Variants in OPCML observed in about 807,000 individuals in gnomAD.
OPCML encodes opioid-binding protein/cell adhesion molecule.
A neutral mutation model predicts 37.8 loss-of-function variants in OPCML; 13 were observed. The observed-to-expected ratio is 0.34, with a 90% CI of 0.22 to 0.55. The LOEUF (loss-of-function observed/expected upper bound fraction) is 0.55. Among genes scored for constraint, OPCML ranks in the 20% least tolerant of loss-of-function variants. The probability of loss-of-function intolerance (pLI) is 0.91; values close to 1 mark genes in which losing one functional copy is unlikely to be tolerated. For missense variants in OPCML, 341 were observed against 435.6 expected (o/e 0.78, Z 1.93); for synonymous variants, 176 against 168.8 (o/e 1.04, Z -0.33).
intron 1 of OPCML, among the ~76,000 whole-genome samples, chr11:133,292,287 A>G (rs1361938797): frequency 6.6e-6 from 1 of 152,104 alleles, no homozygotes; most frequent in Non-Finnish European, 1.5e-5. Context: ...GGAAAAGCTC[A>G]TTGCGATAGA....
intron 3 of OPCML, among the ~76,000 whole-genome samples, chr11:132,602,347 C>A (rs1158530363): frequency 1.3e-5 from 2 of 152,196 alleles, no homozygotes; most frequent in African/African-American, 4.8e-5. Flanking sequence ...AAAACCCTCC[C>A]AAACCTATAG....
At chr11:133,116,039 G>A (rs1949328449) in intron 1 of OPCML, among the ~76,000 whole-genome samples, 2 of 151,932 alleles carry the variant, frequency 1.3e-5, no homozygotes, top group African/African-American at 2.4e-5. Context: ...GAACGATCTC[G>A]GCTCACTGCT....
intron 2 of OPCML, among the ~76,000 whole-genome samples, chr11:132,719,728 A>C (rs960684412): frequency 6.6e-6 from 1 of 152,224 alleles, no homozygotes; most frequent in Admixed American, 6.5e-5. Context: ...TGAAATAAAA[A>C]GCTAGAGAAA....
chr11:132,519,226 C>T (rs1006066644), intron 4 of OPCML, among the ~76,000 whole-genome samples: 2 of 152,112 alleles, frequency 1.3e-5, no homozygotes, highest in Admixed American at 6.5e-5. Flanking sequence ...GTAATTACTA[C>T]TTATTTCTTA....
intron 1 of OPCML, among the ~76,000 whole-genome samples, chr11:133,383,299 A>T (rs1249080124): frequency 6.6e-6 from 1 of 152,040 alleles, no homozygotes; most frequent in Non-Finnish European, 1.5e-5. Context: ...CCTTCCTATC[A>T]ATCCCTTGCT....
chr11:133,200,235 G>T (rs542651), intron 1 of OPCML, among the ~76,000 whole-genome samples: 99,806 of 152,032 alleles, frequency 0.66, 34,477 homozygotes, highest in African/African-American at 0.85. Flanking sequence ...GTGTCACACC[G>T]TCCTGTGCAT....
chr11:133,000,215 C>A (rs1212691350), intron 1 of OPCML, among the ~76,000 whole-genome samples: 1 of 152,078 alleles, frequency 6.6e-6, no homozygotes, highest in Non-Finnish European at 1.5e-5. Flanking sequence ...CAGGTTCAAG[C>A]ACTTCTCCTG....
intron 3 of OPCML, among the ~76,000 whole-genome samples, chr11:132,642,987 G>A (rs1308341779): frequency 6.6e-6 from 1 of 152,220 alleles, no homozygotes; most frequent in African/African-American, 2.4e-5. Context: ...GGCCAGCAAT[G>A]TGATTAGTTC....
At chr11:133,128,980 C>T (rs1250700087) in intron 1 of OPCML, among the ~76,000 whole-genome samples, 1 of 152,128 alleles carries the variant, frequency 6.6e-6, no homozygotes, top group Admixed American at 6.5e-5. Flanking sequence ...ATCTTCGAGG[C>T]CCTGAACATC....
chr11:133,504,097 C>G (rs1157962668), intron 1 of OPCML, among the ~76,000 whole-genome samples: 1 of 152,140 alleles, frequency 6.6e-6, no homozygotes, highest in African/African-American at 2.4e-5. Context: ...GCTGTATCCT[C>G]CACCATCAGA....
chr11:132,515,974 AT>A (rs2096278810), intron 4 of OPCML, among the ~76,000 whole-genome samples: 1 of 152,146 alleles, frequency 6.6e-6, no homozygotes, highest in Admixed American at 6.6e-5. Context: ...TAAAAATCAA[AT>A]TGTATCTGTT....
chr11:133,045,520 G>A (rs1947991852), intron 1 of OPCML, among the ~76,000 whole-genome samples: 1 of 152,166 alleles, frequency 6.6e-6, no homozygotes, highest in South Asian at 2.1e-4. Flanking sequence ...CATTGGAGAG[G>A]GAGAAACAAA....
At chr11:133,161,963 A>G (rs544133893) in intron 1 of OPCML, among the ~76,000 whole-genome samples, 159 of 145,946 alleles carry the variant, frequency 1.1e-3, no homozygotes, top group African/African-American at 3.9e-3. Flanking sequence ...AACAAGTAAC[A>G]GGTAAGAGAG....
chr11:132,630,515 T>C (rs1940034399), intron 3 of OPCML, among the ~76,000 whole-genome samples: 1 of 151,564 alleles, frequency 6.6e-6, no homozygotes, highest in African/African-American at 2.4e-5. Flanking sequence ...GTTGAAAGAA[T>C]AGGACACAAT....
At position 132,688,415 on chromosome 11, in the gene OPCML, C is replaced by T. The variant is rs116347841; in HGVS notation, c.147-31096G>A. Among the ~76,000 whole-genome samples the T allele has an allele frequency of 6.7e-4, 102 of 152,178 alleles. 2 individuals carry two copies. Among genetic ancestry groups the T allele is most frequent in the African/African-American group, 2.4e-3 (100 of 41,550 alleles). ...CACTAGCTTGAGACATTGAGTGTGACCTTGGGAAATCAAAGAGCTTTCCTG... is the reference window on the plus strand; with the variant it reads ...CACTAGCTTGAGACATTGAGTGTGATCTTGGGAAATCAAAGAGCTTTCCTG... On this transcript the variant is annotated intron_variant, in intron 2 of 7. Coordinates refer to ENST00000524381, the MANE Select transcript of OPCML (RefSeq NM_001012393.5).
chr11:133,459,149 A>G (rs906783933), intron 1 of OPCML, among the ~76,000 whole-genome samples: 2 of 152,134 alleles, frequency 1.3e-5, no homozygotes, highest in Admixed American at 1.3e-4. Flanking sequence ...ATTGGCATCA[A>G]TTTAACAAAG....
chr11:132,597,395 T>C (rs1044007541), intron 3 of OPCML, among the ~76,000 whole-genome samples: 1 of 152,230 alleles, frequency 6.6e-6, no homozygotes. Context: ...TTTTAACATA[T>C]GGCTGGCATA....
intron 2 of OPCML, among the ~76,000 whole-genome samples, chr11:132,670,417 C>T (rs1020298254): frequency 6.6e-6 from 1 of 152,128 alleles, no homozygotes; most frequent in African/African-American, 2.4e-5. Context: ...ATTCTTCTTT[C>T]TCCAGAACTG....
intron 2 of OPCML, among the ~76,000 whole-genome samples, chr11:132,675,189 A>G (rs1379692813): frequency 2.7e-5 from 4 of 148,436 alleles, no homozygotes; most frequent in Admixed American, 6.7e-5. Context: ...GTGTATATAT[A>G]TATATATATA....
Sources: allele counts gnomAD v4.1 joint callset (sites outside exome capture counted in the v4.1 genomes callset), GRCh38; gene constraint gnomAD v4.1.1; transcripts MANE v1.5; gene names NCBI Gene and HGNC (gene_info 2026-07-23, HGNC 2026-07-21).